Variants in NEBL observed in about 807,000 individuals in gnomAD.
NEBL encodes LIM and SH3 protein 2.
NEBL carries 122 observed loss-of-function variants against 140.2 expected under a neutral mutation model. The ratio of observed to expected loss-of-function variants is 0.87; its 90% CI spans 0.75 to 1.01. The LOEUF (loss-of-function observed/expected upper bound fraction) is 1.01, where lower values mean the gene tolerates loss of function less well. Among genes scored for constraint, NEBL ranks in the 50% least tolerant of loss-of-function variants. NEBL has a pLI of 0.00. For synonymous variants in NEBL, 436 were observed against 398.9 expected (o/e 1.09, Z -1.11); for missense variants, 1,365 against 1,231.3 (o/e 1.11, Z -1.62).
chr10:20,898,504 C>G (rs964927742), upstream of NEBL, among the ~76,000 whole-genome samples: 1 of 151,920 alleles, frequency 6.6e-6, no homozygotes, highest in African/African-American at 2.4e-5. Flanking sequence ...ACATTCTACA[C>G]AGTCATCACG....
At chr10:21,075,925 G>GAAAGATGT (rs1166250766) in intron 2 of NEBL, among the ~76,000 whole-genome samples, 1 of 152,106 alleles carries the variant, frequency 6.6e-6, no homozygotes, top group Non-Finnish European at 1.5e-5. Flanking sequence ...AAGCACGTAT[G>GAAAGATGT]AAAGATGTTC....
chr10:20,831,565 G>T lies in NEBL; in HGVS notation c.1468C>A (p.Leu490Met). ...CCTTTCCCTTTAATTTCAGTCTCCA[G>T]ATCTCTTTTATAGTCTTTCTGCAGA... Reference protein sequence around the residue: ...IASEKDYKRDLETEIKGKGMQ... With the variant: ...IASEKDYKRDMETEIKGKGMQ... Residue 490 changes from leucine (L) to methionine (M), a missense_variant, in exon 15 of 28, where the codon CTG (leucine) becomes ATG (methionine). Physicochemically the swap from Leu to Met is conservative, Grantham distance 15 (BLOSUM62 2). This residue lies in a region of NEBL where 1,323 missense variants were observed against 1,154.8 expected (regional missense o/e 1.15). Transcript: ENST00000377122. The T allele has an allele frequency of 2.5e-6, 4 of 1,607,324 alleles. No individual in the cohort carries two copies. The highest frequency in any genetic ancestry group is 3.4e-6 in the Non-Finnish European group (4 of 1,174,792).
intron 3 of NEBL, among the ~76,000 whole-genome samples, chr10:20,985,350 C>T (rs773823253): frequency 1.5e-4 from 23 of 152,170 alleles, no homozygotes; most frequent in Admixed American, 3.9e-4. Context: ...CAACTCTAAC[C>T]TCATAGGCTA....
At chr10:21,008,720 C>T (rs953202505) in intron 3 of NEBL, among the ~76,000 whole-genome samples, 5 of 152,080 alleles carry the variant, frequency 3.3e-5, no homozygotes, top group African/African-American at 1.2e-4. Context: ...TTAATCTCTT[C>T]CTGTGCCTAA....
chr10:20,805,365 C>A (rs1018218403), intron 26 of NEBL, among the ~76,000 whole-genome samples: 1 of 152,202 alleles, frequency 6.6e-6, no homozygotes, highest in African/African-American at 2.4e-5. Flanking sequence ...ATCCTAAAAT[C>A]TTTTCAAATT....
rs983389484 is a variant in NEBL at position 21,045,917 on chromosome 10, C to T, written c.165-25716G>A. Reference sequence around the variant, plus strand: ...AGTATGTCAAAAAGATACCTGCAATCGCATGTTTATCACAGCACTATTCAC... The same window carrying T: ...AGTATGTCAAAAAGATACCTGCAATTGCATGTTTATCACAGCACTATTCAC... On this transcript the variant is annotated intron_variant, in intron 2 of 6. Transcript: ENST00000417816. Among the ~76,000 whole-genome samples, 4 of 152,072 alleles carry T rather than the reference C, an allele frequency of 2.6e-5. No homozygotes were observed. In the East Asian group the frequency reaches 5.8e-4, roughly 22 times the overall value.
chr10:21,114,604 A>G (rs538638253), intron 2 of NEBL, among the ~76,000 whole-genome samples: 25 of 152,142 alleles, frequency 1.6e-4, no homozygotes, highest in Admixed American at 1.3e-3. Context: ...TAGGATTGCT[A>G]TGTTTTCTTG....
chr10:21,164,257 C>G, intron 2 of NEBL, among the ~76,000 whole-genome samples: 1 of 152,158 alleles, frequency 6.6e-6, no homozygotes, highest in Non-Finnish European at 1.5e-5. Flanking sequence ...AGAACTGAAA[C>G]AGAACAGAAA....
intron 3 of NEBL, among the ~76,000 whole-genome samples, chr10:20,969,738 G>T (rs773469116): frequency 1.4e-4 from 21 of 151,672 alleles, no homozygotes; most frequent in Non-Finnish European, 2.9e-4. Flanking sequence ...TAGAGACAGG[G>T]TTTTGCCATG....
intron 2 of NEBL, among the ~76,000 whole-genome samples, chr10:21,066,443 A>G (rs1386580275): frequency 1.3e-5 from 2 of 152,246 alleles, no homozygotes; most frequent in Non-Finnish European, 2.9e-5. Flanking sequence ...TTAAGAAGTA[A>G]ACAAAATGTA....
chr10:20,782,399 GA>G lies in NEBL; in HGVS notation c.*3347del, dbSNP rs796273669. The G allele has an allele frequency of 1.3e-4, 20 of 152,618 alleles. No homozygotes were observed. The highest frequency in any genetic ancestry group is 4.8e-4 in the African/African-American group (20 of 41,532). The allele number at this position is 152,618 out of a possible 1,614,324, so 9.5% of individuals were successfully genotyped here. A position where few individuals can be genotyped will look rare whatever the true frequency, so the allele number is the denominator to read the frequency against. ...ACACACATTTTCTTCATCTTTTATT[GA>G]AAACATTCCACTGGAGATGGATGAA... On this transcript the variant is annotated 3_prime_UTR_variant, in exon 28 of 28. Transcript: ENST00000377122.
At chr10:20,936,376 A>T (rs1420582523) in intron 4 of NEBL, among the ~76,000 whole-genome samples, 1 of 152,232 alleles carries the variant, frequency 6.6e-6, no homozygotes, top group South Asian at 2.1e-4. Flanking sequence ...CTGTCTCTCA[A>T]ATCAGCTGTT....
intron 3 of NEBL, among the ~76,000 whole-genome samples, chr10:21,217,070 A>G (rs1366988345): frequency 1.3e-5 from 2 of 152,168 alleles, no homozygotes; most frequent in Non-Finnish European, 2.9e-5. Flanking sequence ...GGGGCTCTGC[A>G]CTGAGGGGAC....
chr10:21,109,312 C>T (rs902413864), intron 2 of NEBL, among the ~76,000 whole-genome samples: 9 of 152,038 alleles, frequency 5.9e-5, no homozygotes, highest in Admixed American at 2.6e-4. Flanking sequence ...TATTGATTTG[C>T]GTATGTTGAA....
intron 26 of NEBL, among the ~76,000 whole-genome samples, chr10:20,787,648 G>A (rs1246167463): frequency 6.6e-6 from 1 of 151,932 alleles, no homozygotes; most frequent in Non-Finnish European, 1.5e-5. Context: ...ATCCTTTTTG[G>A]CATTTTCCAA....
chr10:20,928,901 A>C (rs1474867443), intron 4 of NEBL, among the ~76,000 whole-genome samples: 1 of 152,164 alleles, frequency 6.6e-6, no homozygotes, highest in African/African-American at 2.4e-5. Flanking sequence ...CTTCAGTGCC[A>C]TTTCTCTTTG....
chr10:21,262,726 G>C (rs1486270161), intron 1 of NEBL, among the ~76,000 whole-genome samples: 3 of 152,174 alleles, frequency 2.0e-5, no homozygotes, highest in African/African-American at 7.2e-5. Context: ...CCGGCCCCAA[G>C]GCTGGGGCTG....
chr10:21,217,639 G>A (rs886920488), intron 3 of NEBL, among the ~76,000 whole-genome samples: 4 of 152,090 alleles, frequency 2.6e-5, no homozygotes, highest in African/African-American at 4.8e-5. Flanking sequence ...AAGATACTTC[G>A]CTGCTTGGAA....
chr10:21,096,604 C>T (rs1391324620), intron 2 of NEBL, among the ~76,000 whole-genome samples: 1 of 151,962 alleles, frequency 6.6e-6, no homozygotes, highest in Non-Finnish European at 1.5e-5. Flanking sequence ...GCCTCAAGCT[C>T]CTGGGCTCAT....
Sources: gnomAD v4.1 joint callset for allele counts (sites outside exome capture counted in the v4.1 genomes callset) on GRCh38, gnomAD v4.1.1 for gene constraint, gnomAD v4.1.1 regional missense constraint, MANE v1.5 for transcripts, NCBI Gene and HGNC (gene_info 2026-07-23, HGNC 2026-07-21) for gene names.